The following RAPH1 variants were observed in gnomAD, a reference collection of about 807,000 sequenced individuals.
The protein encoded by RAPH1 is Ras association (RalGDS/AF-6) and pleckstrin homology domains 1, also known as ras-associated and pleckstrin homology domains-containing protein 1.
Under a neutral mutation model 88.1 loss-of-function variants are expected in RAPH1, and 18 were observed. The ratio of observed to expected loss-of-function variants is 0.20; its 90% CI spans 0.14 to 0.30. The LOEUF (loss-of-function observed/expected upper bound fraction) is 0.30. Ranked by LOEUF, RAPH1 falls within the 10% of genes least tolerant of loss-of-function variation. The pLI, the probability that RAPH1 is intolerant of heterozygous loss-of-function variation, is 1.00. For synonymous variants in RAPH1, 587 were observed against 559.0 expected, an observed-to-expected ratio of 1.05 and a Z score of -0.71; for missense variants, 1,448 against 1,543.2, an observed-to-expected ratio of 0.94 and a Z score of 1.03.
At position 203,455,590 on chromosome 2, in the gene RAPH1, C is replaced by T. The variant is rs563414746; in HGVS notation, c.1159-10G>A. The T allele has an allele frequency of 4.3e-6, 7 of 1,610,072 alleles. No individual in the cohort carries two copies. The South Asian group carries it at 4.4e-5, about 10-fold the overall frequency. ...TTCCACAAAAACATTCCTAAAATAA[C>T]AAGATTATTTGCAAAGACTTATGAT... On this transcript the variant is annotated splice_polypyrimidine_tract_variant and intron_variant, in intron 8 of 13. Coordinates refer to ENST00000319170, the MANE Select transcript of RAPH1 (RefSeq NM_213589.3).
intron 1 of RAPH1, among the ~76,000 whole-genome samples, chr2:203,528,902 CAAATT>C (rs1440243489): frequency 7.6e-6 from 1 of 130,926 alleles, no homozygotes; most frequent in Non-Finnish European, 1.6e-5. Flanking sequence ...AAAATTAGAA[CAAATT>C]ATATTTGGGA....
In RAPH1 at chr2:203,436,531, C is replaced by A. The variant is rs1214690486; in HGVS notation, c.*2906G>T. 1 of 152,202 alleles carries A rather than the reference C, an allele frequency of 6.6e-6. No homozygotes were observed. The highest frequency in any genetic ancestry group is 1.5e-5 in the Non-Finnish European group (1 of 68,032). The allele number at this position is 152,202 out of a possible 1,614,324, so 9.4% of individuals were successfully genotyped here. On this transcript the variant is annotated 3_prime_UTR_variant, in exon 14 of 14. Coordinates refer to ENST00000319170, the MANE Select transcript of RAPH1 (RefSeq NM_213589.3). ...ACAGCATTGGTGCCAAAACTCTAAG[C>A]ATAGAGTGATTCTACTTTGAAATTA... is the stretch of plus-strand genomic sequence containing the variant.
chr2:203,441,722 T>C lies in RAPH1; in HGVS notation c.1777-309A>G, dbSNP rs367837076. The C allele has an allele frequency of 4.9e-5, 63 of 1,297,806 alleles. No individual in the cohort carries two copies. The East Asian group carries it at 6.0e-4, about 12-fold the overall frequency. The allele number at this position is 1,297,806 out of a possible 1,614,324, so 80.4% of individuals were successfully genotyped here. On this transcript the variant is annotated intron_variant, in intron 13 of 13. Coordinates refer to ENST00000319170, the MANE Select transcript of RAPH1 (RefSeq NM_213589.3). ...GTGACAGGATGCATGACTTCTGACC[T>C]TGGCTGTATGACTTTGACACAGCCT...
chr2:203,491,639 T>C (rs1046363592), intron 2 of RAPH1, among the ~76,000 whole-genome samples: 2 of 152,076 alleles, frequency 1.3e-5, no homozygotes, highest in African/African-American at 4.8e-5. Context: ...TCCCGAGTAG[T>C]TGGGACCATA....
chr2:203,474,898 G>T (rs980433631), intron 4 of RAPH1, among the ~76,000 whole-genome samples: 8 of 151,950 alleles, frequency 5.3e-5, no homozygotes, highest in Non-Finnish European at 1.2e-4. Context: ...ATCACCTGAG[G>T]CAAGGAGTTC....
rs766539765 is a variant in RAPH1 at position 203,444,870 on chromosome 2, T to C, written c.1774A>G (p.Lys592Glu). The part of the protein sequence containing the change: ...KRGTQLEESS[K>E]ARMESMNRPY... ...GTAAATTAAAACGAAGCTGTTACCT[T>C]GCTGGACTCTTCCAACTGAGTGCCT... Residue 592 changes from lysine (K) to glutamate (E), a missense_variant and splice_region_variant, in exon 13 of 14, where the codon AAG (lysine) becomes GAG (glutamate). Physicochemically the swap from Lys to Glu is moderately conservative, Grantham distance 56. Around this residue, in one of 2 missense-constraint regions of RAPH1, gnomAD observed 935 missense variants for 890.1 expected, o/e 1.05. Coordinates refer to ENST00000319170, the MANE Select transcript of RAPH1 (RefSeq NM_213589.3). 1 of 1,613,584 alleles carries C rather than the reference T, an allele frequency of 6.2e-7. No individual in the cohort carries two copies. Among genetic ancestry groups the C allele is most frequent in the Non-Finnish European group, 8.5e-7 (1 of 1,179,844 alleles).
At chr2:203,444,771 G>T in intron 13 of RAPH1, 97 bp downstream of exon 13, 1 of 1,123,580 alleles carries the variant, frequency 8.9e-7, no homozygotes, top group Non-Finnish European at 1.3e-6. Context: ...CTGAAATAAG[G>T]CCAAATAAGA....
At chr2:203,490,531 A>C (rs1298320791) in intron 3 of RAPH1, among the ~76,000 whole-genome samples, 1 of 152,232 alleles carries the variant, frequency 6.6e-6, no homozygotes, top group African/African-American at 2.4e-5. Flanking sequence ...GTGGAATACA[A>C]CAGATAAAGG....
At chr2:203,468,508 T>G (rs896352499) in intron 4 of RAPH1, among the ~76,000 whole-genome samples, 5 of 152,214 alleles carry the variant, frequency 3.3e-5, no homozygotes, top group South Asian at 2.1e-4. Context: ...CTAAATAAAA[T>G]GTACCCCAAT....
At chr2:203,487,944 AATG>A (rs1245936996) in intron 4 of RAPH1, among the ~76,000 whole-genome samples, 2 of 152,210 alleles carry the variant, frequency 1.3e-5, no homozygotes, top group African/African-American at 4.8e-5. Context: ...AAAAAAAATC[AATG>A]ATGTCAAGTA....
chr2:203,488,420 C>T (rs1581343170), intron 4 of RAPH1, among the ~76,000 whole-genome samples: 1 of 151,390 alleles, frequency 6.6e-6, no homozygotes, highest in East Asian at 2.0e-4. Flanking sequence ...GAAACCCCGT[C>T]TCTACCAAAA....
chr2:203,457,643 AGGTT>A, intron 7 of RAPH1, 48 bp from the exon 8 acceptor site: 5 of 1,356,802 alleles, frequency 3.7e-6, no homozygotes, highest in Non-Finnish European at 5.3e-6. Context: ...GAAAAAAAGA[AGGTT>A]AAAGCATAAA....
intron 1 of RAPH1, among the ~76,000 whole-genome samples, chr2:203,498,200 C>T (rs1045516321): frequency 1.3e-5 from 2 of 152,138 alleles, no homozygotes; most frequent in Non-Finnish European, 2.9e-5. Flanking sequence ...CACTGTTGTC[C>T]AACAGATACC....
chr2:203,507,246 TCTTA>T lies in RAPH1; in HGVS notation c.1-11897_1-11894del, dbSNP rs534229507. ...AAATATACACAGTAAAGAAGAAAGC[TCTTA>T]CTTACTGTAGAATGCCAACTACTTA... On this transcript the variant is annotated intron_variant, in intron 1 of 13. Coordinates refer to ENST00000319170, the MANE Select transcript of RAPH1 (RefSeq NM_213589.3). Among the ~76,000 whole-genome samples, 49 of 151,924 alleles carry T rather than the reference TCTTA, an allele frequency of 3.2e-4. 1 individual carries two copies. The highest frequency in any genetic ancestry group is 3.4e-3 in the Middle Eastern group (1 of 294).
chr2:203,529,657 C>G (rs1690300536), intron 1 of RAPH1, among the ~76,000 whole-genome samples: 1 of 152,150 alleles, frequency 6.6e-6, no homozygotes, highest in Non-Finnish European at 1.5e-5. Context: ...GCCACTGCAC[C>G]CGGCCAAAGT....
At chr2:203,447,715 TATAA>T (rs1340094463) in intron 12 of RAPH1, 5 of 295,800 alleles carry the variant, frequency 1.7e-5, no homozygotes, top group African/African-American at 8.7e-5. Flanking sequence ...ATTTTATAAA[TATAA>T]ATAACAAAAC....
intron 13 of RAPH1, chr2:203,442,128 T>C: frequency 6.5e-7 from 1 of 1,537,464 alleles, no homozygotes; most frequent in Non-Finnish European, 8.8e-7. Flanking sequence ...AGCAAAAGAC[T>C]GTAAAAATAT....
At chr2:203,496,282 T>C (rs761597823) in intron 1 of RAPH1, among the ~76,000 whole-genome samples, 11 of 152,138 alleles carry the variant, frequency 7.2e-5, no homozygotes, top group Non-Finnish European at 1.6e-4. Flanking sequence ...CACTTGACCC[T>C]GGGAGACAGA....
rs1382709366 is a variant in RAPH1, at chr2:203,454,511, C to G, written c.1332G>C (p.Gln444His). ...KVSRDLVCFL[Q>H]LDHVNVYYGQ... ...CATAATAAACGTTGACATGATCCAG[C>G]TGGAGAAAGCACACCAGATCCCGAG... The change falls in exon 10 of 14, where the codon CAG becomes CAC. Residue 444 changes from glutamine to histidine, a missense_variant. Physicochemically the swap from Gln to His is conservative, Grantham distance 24. Coordinates refer to ENST00000319170, the MANE Select transcript of RAPH1 (RefSeq NM_213589.3). The G allele has an allele frequency of 1.2e-6, 2 of 1,613,440 alleles. No individual in the cohort carries two copies. Among genetic ancestry groups the G allele is most frequent in the Non-Finnish European group, 1.7e-6 (2 of 1,179,788 alleles).
Sources: allele counts gnomAD v4.1 joint callset (sites outside exome capture counted in the v4.1 genomes callset), GRCh38; gene constraint gnomAD v4.1.1; regional missense constraint gnomAD v4.1.1; transcripts MANE v1.5; gene names NCBI Gene and HGNC (gene_info 2026-07-23, HGNC 2026-07-21).